The following PCDHGA4 variants were observed in gnomAD, a reference collection of about 807,000 sequenced individuals.
PCDHGA4 encodes the protein protocadherin gamma-A4.
PCDHGA4 carries 38 observed loss-of-function variants against 54.6 expected under a neutral mutation model. The ratio of observed to expected loss-of-function variants is 0.70; its 90% CI spans 0.54 to 0.91. PCDHGA4 has a LOEUF of 0.91. Ranked by LOEUF, PCDHGA4 falls within the 40% of genes least tolerant of loss-of-function variation. The pLI is 0.00. For synonymous variants in PCDHGA4, 511 were observed against 512.9 expected (o/e 1.00, Z 0.05); for missense variants, 1,298 against 1,220.9 (o/e 1.06, Z -0.94).
In PCDHGA4 at chr5:141,485,186, G is replaced by T; in HGVS notation, c.2515-9621G>T. ...GCGGGCGGCAGCAATGCTCCGCAAG[G>T]TGAGAAGCTGGACAGAAATCTGGCG... On this transcript the variant is annotated intron_variant, in intron 1 of 3. Coordinates refer to ENST00000571252, the MANE Select transcript of PCDHGA4 (RefSeq NM_018917.4). This position sits in a 1 kb window ranked among gnomAD's most constrained non-coding sequence, Gnocchi z 5.7. 1 of 1,613,706 alleles carries T rather than the reference G, an allele frequency of 6.2e-7. No individual in the cohort carries two copies. The highest frequency in any genetic ancestry group is 8.5e-7 in the Non-Finnish European group (1 of 1,179,644).
chr5:141,409,407 A>G, intron 1 of PCDHGA4: 3 of 1,614,012 alleles, frequency 1.9e-6, no homozygotes, highest in Non-Finnish European at 2.5e-6. Flanking sequence ...AATAACTACT[A>G]CAAACTGGTG....
intron 1 of PCDHGA4, among the ~76,000 whole-genome samples, chr5:141,435,951 G>C (rs371199258): frequency 3.9e-5 from 6 of 152,100 alleles, no homozygotes; most frequent in African/African-American, 1.4e-4. Flanking sequence ...ACCAAAAAAG[G>C]GGGCAAAATA....
chr5:141,388,923 TTCCAG>T (rs1561622090), intron 1 of PCDHGA4: 2 of 1,614,002 alleles, frequency 1.2e-6, no homozygotes, highest in Admixed American at 1.7e-5. Context: ...AGAAGTGATA[TTCCAG>T]TCTCTACCCA....
chr5:141,359,769 G>A (rs1015704622), intron 1 of PCDHGA4, among the ~76,000 whole-genome samples: 1 of 152,134 alleles, frequency 6.6e-6, no homozygotes, highest in Non-Finnish European at 1.5e-5. Flanking sequence ...AGAGATGAAA[G>A]GAAGAACCTA....
intron 1 of PCDHGA4, among the ~76,000 whole-genome samples, chr5:141,488,087 G>A (rs1479773288): frequency 6.6e-6 from 1 of 152,198 alleles, no homozygotes; most frequent in East Asian, 1.9e-4. Flanking sequence ...CTAGTACACT[G>A]TGAAGGGACC....
chr5:141,412,093 GCA>G (rs1252719565), intron 1 of PCDHGA4: 2 of 152,146 alleles, frequency 1.3e-5, no homozygotes, highest in Non-Finnish European at 2.9e-5. Flanking sequence ...GGGTTGATGG[GCA>G]CACACAGTTG....
chr5:141,384,614 C>T, intron 1 of PCDHGA4: 1 of 1,614,222 alleles, frequency 6.2e-7, no homozygotes, highest in Non-Finnish European at 8.5e-7. Context: ...ACAGATGGTT[C>T]TACTGGCATG....
intron 1 of PCDHGA4, among the ~76,000 whole-genome samples, chr5:141,435,225 A>G (rs919735003): frequency 5.9e-5 from 9 of 152,188 alleles, no homozygotes; most frequent in Non-Finnish European, 1.2e-4. Context: ...CTTTCTTTCA[A>G]AGTTCAGTAA....
intron 1 of PCDHGA4, chr5:141,371,114 A>G: frequency 6.2e-7 from 1 of 1,613,878 alleles, no homozygotes; most frequent in Non-Finnish European, 8.5e-7. Flanking sequence ...ATAACCCCCC[A>G]GTATTTACTC....
chr5:141,433,038 C>A, intron 1 of PCDHGA4: 3 of 1,614,180 alleles, frequency 1.9e-6, no homozygotes, highest in Non-Finnish European at 2.5e-6. Flanking sequence ...GTTTCCCTCA[C>A]CACGGACTCG....
intron 1 of PCDHGA4, among the ~76,000 whole-genome samples, chr5:141,460,793 A>T (rs954317795): frequency 2.0e-4 from 30 of 152,024 alleles, no homozygotes; most frequent in Non-Finnish European, 2.9e-5. Flanking sequence ...TATACACACA[A>T]AGTATATATA....
chr5:141,362,348 G>T (rs761668802), intron 1 of PCDHGA4: 2 of 1,614,022 alleles, frequency 1.2e-6, no homozygotes, highest in Non-Finnish European at 1.7e-6. Context: ...CCTGGACCTG[G>T]GGTTCTCCCC....
intron 1 of PCDHGA4, chr5:141,360,597 T>G: frequency 6.2e-7 from 1 of 1,614,020 alleles, no homozygotes; most frequent in Non-Finnish European, 8.5e-7. Context: ...CATTTCCACT[T>G]GACCCAGCCC....
intron 1 of PCDHGA4, among the ~76,000 whole-genome samples, chr5:141,463,438 C>CTTTTTTTTTTTTT (rs71576115): frequency 9.7e-6 from 1 of 103,256 alleles, no homozygotes; most frequent in Non-Finnish European, 1.9e-5. Context: ...TTTCCTTCTC[C>CTTTTTTTTTTTTT]TTTTTTTTTT....
rs2094361083 is a variant in PCDHGA4 at position 141,403,148 on chromosome 5, A to T, written c.2514+45527A>T. The T allele has an allele frequency of 2.5e-6, 4 of 1,614,050 alleles. No homozygotes were observed. The South Asian group carries it at 4.4e-5, about 18-fold the overall frequency. On this transcript the variant is annotated intron_variant, in intron 1 of 3. Coordinates refer to ENST00000571252, the MANE Select transcript of PCDHGA4 (RefSeq NM_018917.4). ...GGAGCTGGCGGAGCGCCGAGTCCGC[A>T]TCGTCTCTAGAGGTAGGACGCAGCT...
intron 1 of PCDHGA4, among the ~76,000 whole-genome samples, chr5:141,443,085 G>A (rs991288098): frequency 3.9e-5 from 6 of 151,916 alleles, no homozygotes; most frequent in Admixed American, 2.6e-4. Flanking sequence ...GAGTGTTCCA[G>A]TCTCCTTCTC....
At position 141,477,596 on chromosome 5, in the gene PCDHGA4, T is replaced by G. The variant is rs1364779381; in HGVS notation, c.2515-17211T>G. ...CGCCCCGCAGAATGCTCGGCTTTCTTTCTTTCTCTTGGAGCAAGGAGCTGA... is the reference window on the plus strand; with the variant it reads ...CGCCCCGCAGAATGCTCGGCTTTCTGTCTTTCTCTTGGAGCAAGGAGCTGA... On this transcript the variant is annotated intron_variant, in intron 1 of 3. Transcript: ENST00000571252. This position sits in a 1 kb window ranked among gnomAD's most constrained non-coding sequence, Gnocchi z 4.9. The G allele has an allele frequency of 6.2e-7, 1 of 1,614,184 alleles. No individual in the cohort carries two copies. The highest frequency in any genetic ancestry group is 1.1e-5 in the South Asian group (1 of 91,086).
intron 1 of PCDHGA4, chr5:141,420,202 C>T (rs2096476837): frequency 6.2e-7 from 1 of 1,613,136 alleles, no homozygotes. Flanking sequence ...AAGATAACCT[C>T]AACAAAGATA....
intron 1 of PCDHGA4, chr5:141,399,617 T>G: frequency 6.2e-7 from 1 of 1,613,944 alleles, no homozygotes; most frequent in Non-Finnish European, 8.5e-7. Flanking sequence ...CCTCTGGCAC[T>G]GGCCTCTTAC....
Sources: allele counts gnomAD v4.1 joint callset (sites outside exome capture counted in the v4.1 genomes callset), GRCh38; gene constraint gnomAD v4.1.1; non-coding constraint Gnocchi (gnomAD v3.1); transcripts MANE v1.5; gene names NCBI Gene and HGNC (gene_info 2026-07-23, HGNC 2026-07-21).